Variants in CNDP2 observed in about 807,000 individuals in gnomAD.
CNDP2 encodes cytosolic non-specific dipeptidase.
Under a neutral mutation model 55.0 loss-of-function variants are expected in CNDP2, and 38 were observed. The observed-to-expected ratio is 0.69, with a 90% CI of 0.53 to 0.90. The LOEUF (loss-of-function observed/expected upper bound fraction) is 0.90, where lower values mean the gene tolerates loss of function less well. CNDP2 is among the 40% of genes least tolerant of loss of function. The pLI is 0.00. For synonymous variants in CNDP2, 241 were observed against 260.2 expected, an observed-to-expected ratio of 0.93 and a Z score of 0.71; for missense variants, 607 against 621.7, an observed-to-expected ratio of 0.98 and a Z score of 0.25.
chr18:74,506,800 G>A lies in CNDP2; in HGVS notation c.367+789G>A, dbSNP rs570592298. Among the ~76,000 whole-genome samples the A allele has an allele frequency of 6.6e-5, 10 of 152,326 alleles. No homozygotes were observed. In the South Asian group the frequency reaches 1.2e-3, roughly 19 times the overall value. ...TGAGGCCCGTGCTATGAGGGACCCC[G>A]CAGGCCAGCCTCTTTTCTTCCTGTT... On this transcript the variant is annotated intron_variant, in intron 4 of 11. Coordinates refer to ENST00000324262, the MANE Select transcript of CNDP2 (RefSeq NM_018235.3).
intron 8 of CNDP2, among the ~76,000 whole-genome samples, chr18:74,514,674 G>A (rs1314703624): frequency 2.7e-5 from 4 of 150,416 alleles, no homozygotes; most frequent in African/African-American, 7.4e-5. Flanking sequence ...ATGGATGTAA[G>A]TTCTGCAGGC....
intron 3 of CNDP2, 81 bp from the exon 4 acceptor site, chr18:74,505,768 A>G: frequency 6.6e-7 from 1 of 1,506,980 alleles, no homozygotes; most frequent in South Asian, 1.2e-5. Context: ...AGGAAGCTCA[A>G]GGTCTTTTAA....
chr18:74,498,866 T>A (rs1020171658), intron 1 of CNDP2, among the ~76,000 whole-genome samples: 5 of 152,146 alleles, frequency 3.3e-5, no homozygotes, highest in Admixed American at 3.3e-4. Flanking sequence ...AAGGCAGTGG[T>A]TGGATGTCCC....
chr18:74,512,962 C>T (rs947948870), intron 7 of CNDP2, among the ~76,000 whole-genome samples: 3 of 152,224 alleles, frequency 2.0e-5, no homozygotes, highest in Non-Finnish European at 4.4e-5. Context: ...CATAGCCCAT[C>T]GTGCTGTTCC....
intron 2 of CNDP2, 56 bp downstream of exon 2, chr18:74,500,089 C>T: frequency 6.8e-7 from 1 of 1,479,044 alleles, no homozygotes; most frequent in Non-Finnish European, 9.4e-7. Flanking sequence ...CCATGGGGCC[C>T]AGAGAAGTTG....
intron 2 of CNDP2, 80 bp downstream of exon 2, chr18:74,500,113 T>G (rs1013777423): frequency 8.6e-7 from 1 of 1,161,480 alleles, no homozygotes; most frequent in Non-Finnish European, 1.3e-6. Flanking sequence ...AGAGCTAATA[T>G]GAATTATGCC....
Position 74,513,626 on chromosome 18 carries a change from G to A in CNDP2, c.810G>A (p.Thr270=), listed in dbSNP as rs779466295. The A allele has an allele frequency of 2.3e-5, 37 of 1,613,972 alleles. No homozygotes were observed. The highest frequency in any genetic ancestry group is 3.3e-5 in the South Asian group (3 of 91,092). Residue 270 remains threonine (T), a synonymous_variant, in exon 8 of 12, where the codon ACG becomes ACA. Coordinates refer to ENST00000324262, the MANE Select transcript of CNDP2 (RefSeq NM_018235.3). The part of the protein sequence containing the change: ...PGINEAVAAV[T]EEEHKLYDDI... ...TTAACGAGGCCGTGGCCGCCGTCAC[G>A]GAAGAGGAGCACAAGCTGTACGACG...
intron 6 of CNDP2, 141 bp from the exon 7 acceptor site, chr18:74,512,307 C>CCCTGAGGGAGCATTTCT (rs1258559627): frequency 1.5e-6 from 1 of 664,004 alleles, no homozygotes; most frequent in Middle Eastern, 2.5e-4. Flanking sequence ...TGGGAAATGC[C>CCCTGAGGGAGCATTTCT]TTGCTTTGCT....
At chr18:74,516,541 G>C in intron 9 of CNDP2, 149 bp downstream of exon 9, 5 of 770,382 alleles carry the variant, frequency 6.5e-6, no homozygotes, top group South Asian at 1.9e-5. Context: ...TGACAGTCAC[G>C]GTTCAGAAGC....
chr18:74,508,971 T>C, intron 5 of CNDP2, 43 bp downstream of exon 5: 1 of 1,530,664 alleles, frequency 6.5e-7, no homozygotes, highest in Non-Finnish European at 9.0e-7. Context: ...CTGGGTTCCA[T>C]CTGAGCCATA....
Position 74,510,970 on chromosome 18 carries a change from G to A in CNDP2, c.614G>A (p.Cys205Tyr), listed in dbSNP as rs758580568. 1.2e-6 allele frequency: 2 copies of A among 1,614,212 alleles called. No individual in the cohort carries two copies. The highest frequency in any genetic ancestry group is 1.7e-5 in the Admixed American group (1 of 60,028). The change falls in exon 6 of 12, where the codon TGC (cysteine) becomes TAC (tyrosine). Residue 205 changes from cysteine (C) to tyrosine (Y), a missense_variant. Physicochemically the swap from Cys to Tyr is radical, Grantham distance 194. Coordinates refer to ENST00000324262, the MANE Select transcript of CNDP2 (RefSeq NM_018235.3). Reference sequence around the variant, plus strand: ...TACTGGCTGGGAAAGAAGAAGCCCTGCATCACCTACGGCCTCAGGGGCATT... The same window carrying A: ...TACTGGCTGGGAAAGAAGAAGCCCTACATCACCTACGGCCTCAGGGGCATT... ...DNYWLGKKKP[C>Y]ITYGLRGICY...
chr18:74,516,184 C>T, intron 8 of CNDP2, 44 bp from the exon 9 acceptor site: 4 of 1,562,354 alleles, frequency 2.6e-6, no homozygotes, highest in Non-Finnish European at 3.5e-6. Flanking sequence ...ACAGGGCTGG[C>T]ACTGAATGCC....
chr18:74,506,612 C>T (rs916766790), intron 4 of CNDP2, among the ~76,000 whole-genome samples: 1 of 152,188 alleles, frequency 6.6e-6, no homozygotes, highest in Non-Finnish European at 1.5e-5. Context: ...CAGGCAGGGC[C>T]TTCCTGAAAA....
At chr18:74,505,820 T>TC in intron 3 of CNDP2, 29 bp from the exon 4 acceptor site, 1 of 1,612,458 alleles carries the variant, frequency 6.2e-7, no homozygotes. Context: ...ACAAAGGCTG[T>TC]CCTTGGTTCC....
In CNDP2 at chr18:74,501,997, G is replaced by A. The variant is rs569314078; in HGVS notation, c.204+525G>A. On this transcript the variant is annotated intron_variant, in intron 3 of 11. Coordinates refer to ENST00000324262, the MANE Select transcript of CNDP2 (RefSeq NM_018235.3). The stretch of plus-strand genomic sequence containing the variant: ...CAACCTCCGCCTCCCGGGTTCAAGC[G>A]ATTCTCCTGCTTCAGCCTCCTGAGT... Among the ~76,000 whole-genome samples the A allele has an allele frequency of 2.3e-3, 355 of 152,126 alleles. 3 individuals carry two copies. The highest frequency in any genetic ancestry group is 8.0e-3 in the African/African-American group (333 of 41,508).
chr18:74,506,966 C>T (rs1380574002), intron 4 of CNDP2: 1 of 152,314 alleles, frequency 6.6e-6, no homozygotes, highest in Admixed American at 6.5e-5. Flanking sequence ...CATCGAAGCC[C>T]TTCCAACTGG....
chr18:74,513,208 C>T (rs1025597320), intron 7 of CNDP2, among the ~76,000 whole-genome samples: 2 of 152,244 alleles, frequency 1.3e-5, no homozygotes, highest in South Asian at 2.1e-4. Flanking sequence ...TGCTGGTTTG[C>T]GTCGTGGTCT....
intron 9 of CNDP2, 101 bp downstream of exon 9, chr18:74,516,493 A>C: frequency 2.5e-6 from 3 of 1,199,140 alleles, no homozygotes; most frequent in Middle Eastern, 5.0e-4. Flanking sequence ...CGGGCCATGC[A>C]TGCCCCCGCT....
intron 2 of CNDP2, among the ~76,000 whole-genome samples, chr18:74,500,553 A>G (rs1317958478): frequency 6.6e-6 from 1 of 152,226 alleles, no homozygotes; most frequent in Admixed American, 6.5e-5. Flanking sequence ...ACATTCAGAT[A>G]AAAACTTATT....
Sources: gnomAD v4.1 joint callset for allele counts (sites outside exome capture counted in the v4.1 genomes callset) on GRCh38, gnomAD v4.1.1 for gene constraint, MANE v1.5 for transcripts, NCBI Gene and HGNC (gene_info 2026-07-23, HGNC 2026-07-21) for gene names.